Variants in CNTN5 observed in about 807,000 individuals in gnomAD.
CNTN5 encodes contactin-5.
Under a neutral mutation model 129.1 loss-of-function variants are expected in CNTN5, and 77 were observed. That is an observed-to-expected ratio of 0.60 (90% CI 0.50 to 0.72). CNTN5 has a LOEUF of 0.72. Among genes scored for constraint, CNTN5 ranks in the 30% least tolerant of loss-of-function variants. The pLI is 0.00. For synonymous variants in CNTN5, 509 were observed against 465.6 expected (o/e 1.09, Z -1.20); for missense variants, 1,478 against 1,328.8 (o/e 1.11, Z -1.75).
At chr11:99,276,402 C>G (rs972984819) in intron 1 of CNTN5, among the ~76,000 whole-genome samples, 11 of 151,532 alleles carry the variant, frequency 7.3e-5, no homozygotes, top group African/African-American at 2.2e-4. Flanking sequence ...ATACTTAAAA[C>G]TACACCTCAC....
chr11:99,737,778 A>G (rs920644278), intron 3 of CNTN5, among the ~76,000 whole-genome samples: 1 of 152,182 alleles, frequency 6.6e-6, no homozygotes, highest in Non-Finnish European at 1.5e-5. Flanking sequence ...TCCCTAATGT[A>G]GATTTGTTAC....
intron 2 of CNTN5, among the ~76,000 whole-genome samples, chr11:99,328,030 A>C (rs1204948864): frequency 6.6e-6 from 1 of 152,212 alleles, no homozygotes; most frequent in African/African-American, 2.4e-5. Flanking sequence ...CAATGTATGC[A>C]TCTCTTAGAG....
At chr11:99,480,122 A>AT (rs1221326898) in intron 2 of CNTN5, among the ~76,000 whole-genome samples, 3 of 152,230 alleles carry the variant, frequency 2.0e-5, no homozygotes, top group African/African-American at 2.4e-5. Flanking sequence ...AGTAAGCATG[A>AT]TTTTTTCTGG....
chr11:99,906,100 C>A (rs922050920), intron 6 of CNTN5, among the ~76,000 whole-genome samples: 1 of 152,166 alleles, frequency 6.6e-6, no homozygotes, highest in African/African-American at 2.4e-5. Flanking sequence ...ATTTGACTTC[C>A]TCTCTGCCTA....
chr11:99,186,512 T>C (rs1485552753), intron 1 of CNTN5, among the ~76,000 whole-genome samples: 1 of 152,028 alleles, frequency 6.6e-6, no homozygotes, highest in Non-Finnish European at 1.5e-5. Flanking sequence ...CTGCAGCATC[T>C]AGATTTCTCT....
chr11:99,579,132 G>A (rs1314967644), intron 3 of CNTN5, among the ~76,000 whole-genome samples: 1 of 152,168 alleles, frequency 6.6e-6, no homozygotes, highest in Non-Finnish European at 1.5e-5. Context: ...TCAAAGATCA[G>A]ATAGTTGTAG....
chr11:99,479,499 T>A (rs1025927846), intron 2 of CNTN5, among the ~76,000 whole-genome samples: 2 of 152,046 alleles, frequency 1.3e-5, no homozygotes, highest in Non-Finnish European at 2.9e-5. Flanking sequence ...TAGATAATTT[T>A]TCTTGGGAAC....
intron 2 of CNTN5, among the ~76,000 whole-genome samples, chr11:99,462,360 C>CTTTTTTTTTTTTTTTTTTTTTTTTTTTT (rs72276833): frequency 1.0e-4 from 13 of 125,284 alleles, no homozygotes; most frequent in Non-Finnish European, 1.3e-4. Flanking sequence ...CTTTTCTTTT[C>CTTTTTTTTTTTTTTTTTTTTTTTTTTTT]TTTTTTTTTT....
At chr11:99,794,853 C>CT (rs34939471) in intron 3 of CNTN5, among the ~76,000 whole-genome samples, 89,775 of 151,814 alleles carry the variant, frequency 0.59, 27,067 homozygotes, top group East Asian at 0.72. Flanking sequence ...CTCCACTTAC[C>CT]TTTTTTTCTT....
intron 2 of CNTN5, among the ~76,000 whole-genome samples, chr11:99,413,658 A>C (rs1459640086): frequency 2.6e-5 from 4 of 152,080 alleles, no homozygotes; most frequent in Non-Finnish European, 5.9e-5. Context: ...AAAAAACAAA[A>C]ACAAAAAAGA....
At chr11:100,194,182 T>A (rs1285729418) in intron 15 of CNTN5, among the ~76,000 whole-genome samples, 1 of 151,692 alleles carries the variant, frequency 6.6e-6, no homozygotes, top group Non-Finnish European at 1.5e-5. Context: ...TATCTTCTTT[T>A]ATATTGTGTA....
At chr11:99,583,626 T>G (rs539078114) in intron 3 of CNTN5, among the ~76,000 whole-genome samples, 2 of 152,220 alleles carry the variant, frequency 1.3e-5, no homozygotes, top group African/African-American at 2.4e-5. Context: ...CTCTGAGCCA[T>G]GCGCGGGATA....
chr11:100,142,882 G>T (rs531629902), intron 13 of CNTN5, among the ~76,000 whole-genome samples: 10 of 152,054 alleles, frequency 6.6e-5, no homozygotes, highest in Non-Finnish European at 1.5e-4. Flanking sequence ...GATTGTCCAC[G>T]TGGATGGCTG....
intron 3 of CNTN5, among the ~76,000 whole-genome samples, chr11:99,779,057 A>G (rs1050379424): frequency 2.6e-5 from 4 of 151,804 alleles, no homozygotes; most frequent in African/African-American, 9.7e-5. Flanking sequence ...GACACCCATT[A>G]TTTTCTAATT....
intron 2 of CNTN5, among the ~76,000 whole-genome samples, chr11:99,519,517 C>T (rs1002957722): frequency 1.3e-5 from 2 of 152,060 alleles, no homozygotes; most frequent in Admixed American, 1.3e-4. Context: ...TTGTCAAATA[C>T]ATTTATGTAT....
rs866086100 is a variant in CNTN5 at position 100,320,799 on chromosome 11, T to C, written c.2730+12331T>C. Among the ~76,000 whole-genome samples the C allele has an allele frequency of 7.2e-5, 11 of 152,320 alleles. No homozygotes were observed. The Middle Eastern group carries it at 0.017, about 235-fold the overall frequency. ...TGGATATCCAGTTTTTGCAGAACCA[T>C]TTATTAAAGAGACTATCCTTTCCCC... On this transcript the variant is annotated intron_variant, in intron 21 of 24. Coordinates refer to ENST00000524871, the MANE Select transcript of CNTN5 (RefSeq NM_014361.4).
At chr11:99,465,697 G>A (rs902850169) in intron 2 of CNTN5, among the ~76,000 whole-genome samples, 3 of 151,798 alleles carry the variant, frequency 2.0e-5, no homozygotes, top group Non-Finnish European at 4.4e-5. Flanking sequence ...TACCTGAGAT[G>A]GGGTAATTTA....
intron 3 of CNTN5, among the ~76,000 whole-genome samples, chr11:99,711,343 T>A (rs1954979016): frequency 6.6e-6 from 1 of 151,950 alleles, no homozygotes; most frequent in Admixed American, 6.6e-5. Flanking sequence ...GTATTGTTAT[T>A]CATGGTTTAA....
chr11:99,345,409 C>T (rs1937771758), intron 2 of CNTN5, among the ~76,000 whole-genome samples: 1 of 152,132 alleles, frequency 6.6e-6, no homozygotes, highest in Non-Finnish European at 1.5e-5. Flanking sequence ...CCTTTGTACA[C>T]AGGCATCTTA....
Sources: gnomAD v4.1 joint callset for allele counts (sites outside exome capture counted in the v4.1 genomes callset) on GRCh38, gnomAD v4.1.1 for gene constraint, MANE v1.5 for transcripts, NCBI Gene and HGNC (gene_info 2026-07-23, HGNC 2026-07-21) for gene names.